Variants in GRM7 observed in about 807,000 individuals in gnomAD.
GRM7 encodes metabotropic glutamate receptor 7.
Under a neutral mutation model 84.5 loss-of-function variants are expected in GRM7, and 35 were observed. That is an observed-to-expected ratio of 0.41 (90% CI 0.32 to 0.55). GRM7 has a LOEUF of 0.55. GRM7 is among the 20% of genes least tolerant of loss of function. The pLI is 0.19. For missense variants in GRM7, 1,003 were observed against 1,194.6 expected (o/e 0.84, Z 2.36); for synonymous variants, 487 against 455.1 (o/e 1.07, Z -0.89).
At chr3:7,039,825 A>C (rs1377679696) in intron 1 of GRM7, among the ~76,000 whole-genome samples, 1 of 152,102 alleles carries the variant, frequency 6.6e-6, no homozygotes, top group African/African-American at 2.4e-5. Flanking sequence ...GCTCTTGTGA[A>C]TGGGTAGAAT....
intron 1 of GRM7, among the ~76,000 whole-genome samples, chr3:7,054,048 G>A (rs747130723): frequency 2.0e-5 from 3 of 150,458 alleles, no homozygotes; most frequent in Non-Finnish European, 4.4e-5. Flanking sequence ...TATTCTTCAA[G>A]CTACAACTAT....
At chr3:7,405,635 C>A (rs1249652192) in intron 4 of GRM7, among the ~76,000 whole-genome samples, 1 of 152,102 alleles carries the variant, frequency 6.6e-6, no homozygotes, top group African/African-American at 2.4e-5. Flanking sequence ...ATTAACTTAT[C>A]TTGGAGAACG....
intron 2 of GRM7, among the ~76,000 whole-genome samples, chr3:7,170,179 G>A (rs1197917934): frequency 6.6e-6 from 1 of 152,158 alleles, no homozygotes; most frequent in Non-Finnish European, 1.5e-5. Flanking sequence ...GAGAACTGGG[G>A]GAGTAAATCG....
intron 2 of GRM7, among the ~76,000 whole-genome samples, chr3:7,200,316 G>A (rs568135761): frequency 5.9e-5 from 9 of 152,284 alleles, no homozygotes; most frequent in African/African-American, 1.2e-4. Flanking sequence ...TCAAATCATA[G>A]CACCTTTAAA....
chr3:7,565,869 T>C (rs1694232512), intron 7 of GRM7, among the ~76,000 whole-genome samples: 1 of 152,190 alleles, frequency 6.6e-6, no homozygotes, highest in Non-Finnish European at 1.5e-5. Flanking sequence ...TCTGTTTTGC[T>C]CCTGGCAAGT....
chr3:7,230,280 G>T (rs748646141), intron 2 of GRM7, among the ~76,000 whole-genome samples: 3 of 152,148 alleles, frequency 2.0e-5, no homozygotes, highest in Non-Finnish European at 4.4e-5. Flanking sequence ...ACACTTGGAA[G>T]GAGTTAAAAA....
intron 4 of GRM7, among the ~76,000 whole-genome samples, chr3:7,343,657 C>G (rs1340429521): frequency 1.3e-5 from 2 of 152,138 alleles, no homozygotes; most frequent in Non-Finnish European, 2.9e-5. Context: ...ACTGCTGAAT[C>G]TCCTTCAGCA....
chr3:7,509,255 T>C (rs980525561), intron 7 of GRM7, among the ~76,000 whole-genome samples: 2 of 152,170 alleles, frequency 1.3e-5, no homozygotes, highest in African/African-American at 2.4e-5. Flanking sequence ...TTTATGTAAC[T>C]TTTGTTACAG....
intron 7 of GRM7, among the ~76,000 whole-genome samples, chr3:7,533,700 C>T (rs990286905): frequency 3.3e-5 from 5 of 152,160 alleles, no homozygotes; most frequent in Admixed American, 6.6e-5. Context: ...GATTGACTGT[C>T]ATCTTCCTTG....
intron 1 of GRM7, among the ~76,000 whole-genome samples, chr3:7,050,831 T>C (rs1185952700): frequency 1.3e-5 from 2 of 151,886 alleles, no homozygotes; most frequent in African/African-American, 4.8e-5. Context: ...GTTCAACCTA[T>C]AAATTATTCC....
At chr3:7,640,462 T>G (rs2125104252) in intron 8 of GRM7, among the ~76,000 whole-genome samples, 1 of 152,336 alleles carries the variant, frequency 6.6e-6, no homozygotes, top group East Asian at 1.9e-4. Context: ...TGCTCTGAAT[T>G]CTGTGGATTT....
At chr3:7,354,557 TTGCA>T (rs550422712) in intron 4 of GRM7, among the ~76,000 whole-genome samples, 74 of 152,158 alleles carry the variant, frequency 4.9e-4, no homozygotes, top group African/African-American at 1.4e-3. Flanking sequence ...AGAAACAATA[TTGCA>T]TCCCTGGAGG....
intron 8 of GRM7, among the ~76,000 whole-genome samples, chr3:7,658,419 G>A (rs554870391): frequency 1.2e-4 from 19 of 152,152 alleles, no homozygotes; most frequent in African/African-American, 2.9e-4. Context: ...GTAGCCTTTC[G>A]CCTAGATAAA....
intron 9 of GRM7, among the ~76,000 whole-genome samples, chr3:7,712,259 T>C (rs1701605184): frequency 6.6e-6 from 1 of 152,338 alleles, no homozygotes; most frequent in African/African-American, 2.4e-5. Context: ...TTTCTCATAA[T>C]GTGTATGATA....
intron 4 of GRM7, among the ~76,000 whole-genome samples, chr3:7,357,636 G>A (rs1001850420): frequency 1.3e-5 from 2 of 152,054 alleles, no homozygotes; most frequent in East Asian, 1.9e-4. Flanking sequence ...TGACAGACCC[G>A]AATAGCTTCC....
intron 2 of GRM7, among the ~76,000 whole-genome samples, chr3:7,190,699 A>G (rs189915125): frequency 2.6e-5 from 4 of 152,028 alleles, no homozygotes; most frequent in Admixed American, 2.0e-4. Flanking sequence ...AAGCAGTTTA[A>G]TATATATATA....
chr3:6,953,155 T>C (rs187228429), intron 1 of GRM7, among the ~76,000 whole-genome samples: 14 of 152,378 alleles, frequency 9.2e-5, no homozygotes, highest in Admixed American at 9.1e-4. Flanking sequence ...ATGAAATAAC[T>C]TGGGGACCCA....
At chr3:7,439,760 C>T (rs548327055) in intron 5 of GRM7, among the ~76,000 whole-genome samples, 2 of 152,120 alleles carry the variant, frequency 1.3e-5, no homozygotes, top group Admixed American at 6.6e-5. Context: ...CTGGGGGAAG[C>T]AGTGTTCTCA....
At chr3:7,293,321 GA>G (rs1699701184) in intron 2 of GRM7, among the ~76,000 whole-genome samples, 1 of 152,154 alleles carries the variant, frequency 6.6e-6, no homozygotes, top group African/African-American at 2.4e-5. Context: ...TGCGCAGACA[GA>G]AAACTGACCA....
Sources: gnomAD v4.1 joint callset for allele counts (sites outside exome capture counted in the v4.1 genomes callset) on GRCh38, gnomAD v4.1.1 for gene constraint, MANE v1.5 for transcripts, NCBI Gene and HGNC (gene_info 2026-07-23, HGNC 2026-07-21) for gene names.